Variants in WDR64 observed in about 807,000 individuals in gnomAD.
WDR64 encodes the protein WD repeat domain 64, also known as WD repeat-containing protein 64.
Under a neutral mutation model 139.3 loss-of-function variants are expected in WDR64, and 112 were observed. The observed-to-expected ratio is 0.80, with a 90% CI of 0.69 to 0.94. WDR64 has a LOEUF of 0.94. Among genes scored for constraint, WDR64 ranks in the 40% least tolerant of loss-of-function variants. WDR64 has a pLI of 0.00. For synonymous variants in WDR64, 444 were observed against 437.7 expected, an observed-to-expected ratio of 1.01 and a Z score of -0.18; for missense variants, 1,206 against 1,293.1, an observed-to-expected ratio of 0.93 and a Z score of 1.03.
intron 27 of WDR64, 95 bp downstream of exon 27, chr1:241,796,465 C>A: frequency 4.9e-6 from 4 of 810,860 alleles, no homozygotes; most frequent in Non-Finnish European, 7.6e-6. Context: ...CAGAAACATT[C>A]TGAACCTAAA....
intron 4 of WDR64, 74 bp downstream of exon 4, chr1:241,674,821 C>A: frequency 2.7e-6 from 2 of 744,738 alleles, no homozygotes; most frequent in East Asian, 3.4e-5. Flanking sequence ...TTGGATTTCT[C>A]CCCCCCTCCC....
chr1:241,749,532 T>C lies in WDR64; in HGVS notation c.1595-15T>C. 1 of 1,609,534 alleles carries C rather than the reference T, an allele frequency of 6.2e-7. No individual in the cohort carries two copies. The highest frequency in any genetic ancestry group is 8.5e-7 in the Non-Finnish European group (1 of 1,177,576). On this transcript the variant is annotated splice_polypyrimidine_tract_variant and intron_variant, in intron 13 of 27. Transcript: ENST00000437684. Reference sequence around the variant, plus strand: ...GTCATTTTTACCCACATAGTCTTTTTCTCTGTATGCTCAGGAACAGTCAGA... The same window carrying C: ...GTCATTTTTACCCACATAGTCTTTTCCTCTGTATGCTCAGGAACAGTCAGA...
intron 12 of WDR64, among the ~76,000 whole-genome samples, chr1:241,742,335 T>A (rs904741014): frequency 1.3e-5 from 2 of 152,244 alleles, no homozygotes; most frequent in Admixed American, 6.5e-5. Flanking sequence ...TGAGAGCTAC[T>A]GGGCTGCATT....
At chr1:241,700,046 G>A (rs1459943328) in intron 8 of WDR64, among the ~76,000 whole-genome samples, 2 of 151,576 alleles carry the variant, frequency 1.3e-5, no homozygotes, top group Admixed American at 6.6e-5. Flanking sequence ...GAAGAGAAAT[G>A]ATGAGCGCTT....
chr1:241,793,288 T>C (rs1024515119), intron 25 of WDR64, among the ~76,000 whole-genome samples: 11 of 152,214 alleles, frequency 7.2e-5, no homozygotes, highest in African/African-American at 2.4e-4. Flanking sequence ...TGAGGGTAGA[T>C]GAGCAGGAGT....
intron 14 of WDR64, among the ~76,000 whole-genome samples, chr1:241,754,572 C>T (rs1257180527): frequency 6.6e-6 from 1 of 152,126 alleles, no homozygotes; most frequent in Non-Finnish European, 1.5e-5. Context: ...CTGGCCTCAG[C>T]CTCCCAAAGT....
intron 5 of WDR64, 78 bp from the exon 6 acceptor site, chr1:241,679,407 T>C (rs575627959): frequency 1.6e-6 from 2 of 1,283,438 alleles, no homozygotes; most frequent in African/African-American, 2.9e-5. Context: ...TTAGTGTGAC[T>C]AACCTGCTCT....
chr1:241,686,095 T>G (rs957081927), intron 7 of WDR64, among the ~76,000 whole-genome samples: 2 of 152,216 alleles, frequency 1.3e-5, no homozygotes, highest in African/African-American at 4.8e-5. Flanking sequence ...TGTAGATGAT[T>G]TAATCATGCA....
chr1:241,674,632 T>G lies in WDR64; in HGVS notation c.380-12T>G, dbSNP rs753358988. 4 of 1,507,942 alleles carry G rather than the reference T, an allele frequency of 2.7e-6. No individual in the cohort carries two copies. The highest frequency in any genetic ancestry group is 3.6e-6 in the Non-Finnish European group (4 of 1,113,524). 93.4% of individuals were successfully genotyped at this position (1,507,942 alleles called of 1,614,324 possible). On this transcript the variant is annotated splice_polypyrimidine_tract_variant and intron_variant, in intron 3 of 27. Coordinates refer to ENST00000437684, the MANE Select transcript of WDR64 (RefSeq NM_001367482.1). ...CTGCTGAAAGTTGAAATGAATATTA[T>G]GCTGTTGACAGGTAGTAGAAGACGA...
chr1:241,678,859 T>TA (rs1666662876), intron 5 of WDR64, among the ~76,000 whole-genome samples: 7 of 12,856 alleles, frequency 5.4e-4, no homozygotes, highest in East Asian at 6.1e-3. Flanking sequence ...TTTCTTAAAC[T>TA]GAAAAAAAAA....
Position 241,660,632 on chromosome 1 carries a change from A to C in WDR64, c.248A>C (p.Asn83Thr), listed in dbSNP as rs994237400. Residue 83 changes from asparagine to threonine, a missense_variant, in exon 2 of 28, where the codon AAC becomes ACC. Asn to Thr is a moderately conservative substitution (Grantham distance 65, BLOSUM62 0). Transcript: ENST00000437684. ...VKRFYRKLCN[N>T]TDASADWCEI... ...CGCTTTTACAGGAAACTGTGCAACA[A>C]CACGGATGCATCTGCAGACTGGTGT... 3 of 1,551,496 alleles carry C rather than the reference A, an allele frequency of 1.9e-6. No individual in the cohort carries two copies. The highest frequency in any genetic ancestry group is 1.7e-4 in the Middle Eastern group (1 of 6,014).
Position 241,802,196 on chromosome 1 carries a change from A to T in WDR64, c.*981A>T. The T allele has an allele frequency of 2.5e-6, 1 of 398,006 alleles. No individual in the cohort carries two copies. The highest frequency in any genetic ancestry group is 4.4e-6 in the Non-Finnish European group (1 of 225,818). The allele number at this position is 398,006 out of a possible 1,614,324, so 24.7% of individuals were successfully genotyped here. On this transcript the variant is annotated 3_prime_UTR_variant, in exon 28 of 28. Transcript: ENST00000437684. ...TAAACAAACTATGGTAGGGTAGGAC[A>T]ATGGAATCCTCAGCAATTAAAGGGA...
At chr1:241,782,526 G>A (rs996277786) in intron 22 of WDR64, among the ~76,000 whole-genome samples, 1 of 151,990 alleles carries the variant, frequency 6.6e-6, no homozygotes. Context: ...CAGTGATAAA[G>A]AGGGAATATA....
intron 2 of WDR64, among the ~76,000 whole-genome samples, chr1:241,663,068 GCAATAACCACCCCTCTCTCTCAC>G (rs1193547758): frequency 1.3e-5 from 2 of 152,024 alleles, no homozygotes; most frequent in African/African-American, 4.8e-5. Context: ...ATGAACACCA[GCAATAACCACCCCTCTCTCTCAC>G]CAAAACTAAC....
At chr1:241,654,088 A>C (rs1665483063) in intron 1 of WDR64, among the ~76,000 whole-genome samples, 1 of 152,200 alleles carries the variant, frequency 6.6e-6, no homozygotes, top group Non-Finnish European at 1.5e-5. Flanking sequence ...CAAGGTCAAA[A>C]GACAAGAATT....
At chr1:241,768,014 T>G (rs1658257869) in intron 16 of WDR64, among the ~76,000 whole-genome samples, 1 of 152,214 alleles carries the variant, frequency 6.6e-6, no homozygotes, top group African/African-American at 2.4e-5. Context: ...TCAGCTTGTG[T>G]ATGACTCTTT....
intron 9 of WDR64, among the ~76,000 whole-genome samples, chr1:241,722,850 C>T (rs941867112): frequency 5.3e-5 from 8 of 152,112 alleles, no homozygotes; most frequent in Non-Finnish European, 8.8e-5. Context: ...GGAAAAATGA[C>T]AACAGTTGAT....
At chr1:241,676,732 T>C (rs1666570561) in intron 4 of WDR64, among the ~76,000 whole-genome samples, 1 of 142,816 alleles carries the variant, frequency 7.0e-6, no homozygotes, top group African/African-American at 2.6e-5. Flanking sequence ...AAAAAATGGC[T>C]AAAAAATTAA....
intron 10 of WDR64, 53 bp from the exon 11 acceptor site, chr1:241,738,309 TG>T (rs929039115): frequency 8.3e-6 from 13 of 1,575,168 alleles, no homozygotes; most frequent in Admixed American, 1.9e-5. Flanking sequence ...CTAAATATCT[TG>T]GGTGAGAAAG....
Sources: allele counts gnomAD v4.1 joint callset (sites outside exome capture counted in the v4.1 genomes callset), GRCh38; gene constraint gnomAD v4.1.1; transcripts MANE v1.5; gene names NCBI Gene and HGNC (gene_info 2026-07-23, HGNC 2026-07-21).